The following CACNA1A variants were observed in gnomAD, a reference collection of about 807,000 sequenced individuals.
CACNA1A encodes calcium voltage-gated channel subunit alpha1 A.
CACNA1A carries 57 observed loss-of-function variants against 262.4 expected under a neutral mutation model. The observed-to-expected ratio is 0.22, with a 90% CI of 0.18 to 0.27. The LOEUF (loss-of-function observed/expected upper bound fraction) is 0.27, where lower values mean the gene tolerates loss of function less well. Among genes scored for constraint, CACNA1A ranks in the 10% least tolerant of loss-of-function variants. The probability of loss-of-function intolerance (pLI) is 1.00; values close to 1 mark genes in which losing one functional copy is unlikely to be tolerated. For synonymous variants in CACNA1A, 1,431 were observed against 1,419.3 expected (o/e 1.01, Z -0.18); for missense variants, 2,526 against 3,562.8 (o/e 0.71, Z 7.41).
In CACNA1A at chr19:13,452,879, G is replaced by A. The variant is rs773461333; in HGVS notation, c.536C>T (p.Thr179Met). The A allele has an allele frequency of 6.2e-6, 10 of 1,613,490 alleles. No individual in the cohort carries two copies. The highest frequency in any genetic ancestry group is 2.2e-5 in the South Asian group (2 of 91,036). ...GCGTATAGCACGCGCCACTTACCCC[G>A]TTAGCACCACCACAAAGTCCATGAC... ...WNVMDFVVVL[T>M]GILATVGTEF... Residue 179 changes from threonine (T) to methionine (M), a missense_variant, in exon 3 of 47, where the codon ACG (threonine) becomes ATG (methionine). Thr to Met is a moderately conservative substitution (Grantham distance 81, BLOSUM62 -1). This residue lies in a region of CACNA1A where 77 missense variants were observed against 228.4 expected (regional missense o/e 0.34). Transcript: ENST00000360228.
At chr19:13,469,653 G>T (rs1295945240) in intron 1 of CACNA1A, among the ~76,000 whole-genome samples, 1 of 148,720 alleles carries the variant, frequency 6.7e-6, no homozygotes, top group Admixed American at 6.7e-5. Context: ...TAGAGACAGG[G>T]TTTCACCGTG....
At chr19:13,497,564 AT>A (rs1568710002) in intron 1 of CACNA1A, among the ~76,000 whole-genome samples, 641 of 38,770 alleles carry the variant, frequency 0.017, 160 homozygotes, top group Middle Eastern at 0.028. Context: ...ATATATATAT[AT>A]ATATATATAT....
At chr19:13,313,494 T>TCC (rs1568524625) in intron 11 of CACNA1A, among the ~76,000 whole-genome samples, 1 of 122,058 alleles carries the variant, frequency 8.2e-6, no homozygotes, top group Non-Finnish European at 1.6e-5. Flanking sequence ...AGCAAGACCT[T>TCC]GTCTAAAAAA....
intron 1 of CACNA1A, among the ~76,000 whole-genome samples, chr19:13,488,119 C>T (rs1980256732): frequency 1.3e-5 from 2 of 152,166 alleles, no homozygotes; most frequent in African/African-American, 4.8e-5. Flanking sequence ...TTACTTCTCA[C>T]AGCCCTGGGA....
At chr19:13,495,874 AATCCATCCAGTC>A (rs375086272) in intron 1 of CACNA1A, among the ~76,000 whole-genome samples, 15 of 151,940 alleles carry the variant, frequency 9.9e-5, no homozygotes, top group Admixed American at 6.6e-4. Flanking sequence ...CTCATACACC[AATCCATCCAGTC>A]ATCCATCCAG....
At chr19:13,443,914 C>T (rs980944920) in intron 3 of CACNA1A, among the ~76,000 whole-genome samples, 3 of 152,114 alleles carry the variant, frequency 2.0e-5, no homozygotes, top group Non-Finnish European at 2.9e-5. Flanking sequence ...CAAAGGCTAG[C>T]GAGGCTCAAT....
At chr19:13,389,773 C>T (rs563951791) in intron 3 of CACNA1A, among the ~76,000 whole-genome samples, 1 of 152,132 alleles carries the variant, frequency 6.6e-6, no homozygotes, top group South Asian at 2.1e-4. Flanking sequence ...GACATTCCCT[C>T]AGGTAGTCTT....
intron 3 of CACNA1A, among the ~76,000 whole-genome samples, chr19:13,427,670 T>C (rs2060428281): frequency 6.6e-6 from 1 of 152,040 alleles, no homozygotes; most frequent in Non-Finnish European, 1.5e-5. Flanking sequence ...TTTAGGATTC[T>C]TTCCAAAGAT....
intron 3 of CACNA1A, among the ~76,000 whole-genome samples, chr19:13,413,569 C>G (rs143576402): frequency 0.045 from 2,080 of 46,046 alleles, 63 homozygotes; most frequent in African/African-American, 0.15. Context: ...AAGGTCCTGT[C>G]TTAAAAAAAA....
chr19:13,215,010 GTGTTT>G (rs2054949095), intron 38 of CACNA1A: 26 of 153,268 alleles, frequency 1.7e-4, no homozygotes, highest in Middle Eastern at 3.1e-3. Context: ...GTGTGTGTGT[GTGTTT>G]TTTTTTTTTT....
chr19:13,505,761 G>T (rs1174815965), intron 1 of CACNA1A, among the ~76,000 whole-genome samples, 171 bp downstream of exon 1: 1 of 151,376 alleles, frequency 6.6e-6, no homozygotes, highest in East Asian at 2.0e-4. Context: ...CCCAGCTCGG[G>T]GTGGAGAGAT....
intron 31 of CACNA1A, among the ~76,000 whole-genome samples, chr19:13,242,194 A>G (rs1287806044): frequency 2.0e-5 from 3 of 152,186 alleles, no homozygotes; most frequent in Non-Finnish European, 2.9e-5. Context: ...CCCATTCACA[A>G]TAACAATAAC....
At chr19:13,467,015 C>T (rs2061257306) in intron 1 of CACNA1A, among the ~76,000 whole-genome samples, 1 of 151,952 alleles carries the variant, frequency 6.6e-6, no homozygotes, top group African/African-American at 2.4e-5. Context: ...GGATTACAGG[C>T]GTGAGCCACT....
intron 3 of CACNA1A, among the ~76,000 whole-genome samples, chr19:13,411,692 C>T (rs2060111807): frequency 6.9e-6 from 1 of 144,678 alleles, no homozygotes; most frequent in African/African-American, 2.8e-5. Flanking sequence ...CTCTCTTTCT[C>T]CTTCTCTCTC....
At chr19:13,235,898 A>G (rs1157725119) in intron 31 of CACNA1A, 168 bp from the exon 32 acceptor site, 1 of 573,652 alleles carries the variant, frequency 1.7e-6, no homozygotes, top group African/African-American at 1.9e-5. Context: ...TGCAGAGGAA[A>G]AACTCGAAAA....
chr19:13,213,060 T>C (rs1240295097), intron 40 of CACNA1A, among the ~76,000 whole-genome samples: 1 of 152,004 alleles, frequency 6.6e-6, no homozygotes, highest in East Asian at 1.9e-4. Context: ...TCAGGTCCTA[T>C]CCCTCCTTTG....
At chr19:13,461,918 G>A (rs146705372) in intron 1 of CACNA1A, among the ~76,000 whole-genome samples, 101 of 152,306 alleles carry the variant, frequency 6.6e-4, no homozygotes, top group Middle Eastern at 3.4e-3. Flanking sequence ...CCTGCAGGCA[G>A]GTGAGGAGAC....
rs74181819 is a variant in CACNA1A, at chr19:13,285,952, ATTTTTTTTTT to A, written c.3553+541_3553+550del. ...GACATAATCCACCCAGCAGTTCACC[ATTTTTTTTTT>A]TTTTTTTTTTTTTTGAGACAGTCTC... On this transcript the variant is annotated intron_variant, in intron 20 of 46. Transcript: ENST00000360228. 9.4e-5 allele frequency among the ~76,000 whole-genome samples: 9 copies of A among 95,818 alleles called. No individual in the cohort carries two copies. In the South Asian group the frequency reaches 2.3e-3, roughly 25 times the overall value. 62.9% of individuals were successfully genotyped at this position (95,818 alleles called of 152,430 possible).
At chr19:13,429,167 TACAC>T (rs56218610) in intron 3 of CACNA1A, among the ~76,000 whole-genome samples, 7,795 of 140,656 alleles carry the variant, frequency 0.055, 220 homozygotes, top group Middle Eastern at 0.076. Context: ...TCACTGTGCG[TACAC>T]ACACACACAC....
Sources: allele counts gnomAD v4.1 joint callset (sites outside exome capture counted in the v4.1 genomes callset), GRCh38; gene constraint gnomAD v4.1.1; regional missense constraint gnomAD v4.1.1; transcripts MANE v1.5; gene names NCBI Gene and HGNC (gene_info 2026-07-23, HGNC 2026-07-21).